Variants in NRG3 observed in about 807,000 individuals in gnomAD.
NRG3 encodes neuregulin 3.
NRG3 carries 31 observed loss-of-function variants against 66.9 expected under a neutral mutation model. The observed-to-expected ratio is 0.46, with a 90% CI of 0.35 to 0.63. The LOEUF (loss-of-function observed/expected upper bound fraction) is 0.63, where lower values mean the gene tolerates loss of function less well. NRG3 is among the 20% of genes least tolerant of loss of function. The pLI, the probability that NRG3 is intolerant of heterozygous loss-of-function variation, is 0.00. For synonymous variants in NRG3, 393 were observed against 359.4 expected (o/e 1.09, Z -1.06); for missense variants, 910 against 878.9 (o/e 1.04, Z -0.45).
intron 2 of NRG3, among the ~76,000 whole-genome samples, chr10:82,385,074 T>C (rs189506339): frequency 3.3e-5 from 5 of 152,342 alleles, no homozygotes; most frequent in African/African-American, 1.2e-4. Flanking sequence ...TCAGTGATGT[T>C]GAGCTTTTTA....
chr10:81,938,693 C>T (rs1848133107), intron 1 of NRG3, among the ~76,000 whole-genome samples: 3 of 150,816 alleles, frequency 2.0e-5, no homozygotes, highest in East Asian at 2.0e-4. Context: ...TAAAATCATG[C>T]CATCTGTGAA....
intron 1 of NRG3, among the ~76,000 whole-genome samples, chr10:81,962,663 T>C (rs1223104428): frequency 6.6e-6 from 1 of 152,144 alleles, no homozygotes; most frequent in Admixed American, 6.5e-5. Context: ...AGTTTGCAGG[T>C]AAGAAATGCA....
intron 1 of NRG3, among the ~76,000 whole-genome samples, chr10:81,898,599 T>C (rs1197987165): frequency 6.6e-6 from 1 of 152,218 alleles, no homozygotes; most frequent in Non-Finnish European, 1.5e-5. Context: ...GGCTGCAGTA[T>C]GACTTGATGT....
rs572797137 is a variant in NRG3, at chr10:82,347,402, T to G, written c.824-11337T>G. On this transcript the variant is annotated intron_variant, in intron 1 of 8. Transcript: ENST00000372141. ...TTGAGTGACATTCTTAATCCTGAGT[T>G]CTAGTTTGATTGCACTGTGGTCTGA... 9.8e-5 allele frequency among the ~76,000 whole-genome samples: 15 copies of G among 152,312 alleles called. No individual in the cohort carries two copies. In the South Asian group the frequency reaches 3.1e-3, roughly 32 times the overall value.
At chr10:82,154,810 T>C (rs2071063211) in intron 1 of NRG3, among the ~76,000 whole-genome samples, 2 of 151,844 alleles carry the variant, frequency 1.3e-5, no homozygotes, top group African/African-American at 4.8e-5. Flanking sequence ...TTTGAAATAC[T>C]ATTGTAAATT....
At chr10:81,919,851 A>G (rs1846087290) in intron 1 of NRG3, among the ~76,000 whole-genome samples, 1 of 152,152 alleles carries the variant, frequency 6.6e-6, no homozygotes, top group Admixed American at 6.5e-5. Flanking sequence ...AGTGGCAATG[A>G]GGGGTGAGTG....
chr10:82,720,585 A>G (rs900005215), intron 2 of NRG3, among the ~76,000 whole-genome samples: 4 of 151,840 alleles, frequency 2.6e-5, no homozygotes, highest in Non-Finnish European at 5.9e-5. Flanking sequence ...TCAATCTCTA[A>G]ACCTACAAAA....
rs148448738 is a variant in NRG3, at chr10:82,244,584, C to T, written c.824-114155C>T. Among the ~76,000 whole-genome samples the T allele has an allele frequency of 1.7e-4, 26 of 151,978 alleles. No individual in the cohort carries two copies. The East Asian group carries it at 3.3e-3, about 19-fold the overall frequency. On this transcript the variant is annotated intron_variant, in intron 1 of 8. Transcript: ENST00000372141. ...TCTCAAAAATATTTTGCTTTAGAAGCGTTCTATTAGTATGTATAATGATGT... is the reference window on the plus strand; with the variant it reads ...TCTCAAAAATATTTTGCTTTAGAAGTGTTCTATTAGTATGTATAATGATGT...
chr10:82,392,237 C>T (rs956236220), intron 2 of NRG3, among the ~76,000 whole-genome samples: 2 of 152,134 alleles, frequency 1.3e-5, no homozygotes, highest in African/African-American at 4.8e-5. Context: ...CTATTTCCTA[C>T]CATGCTTCTG....
chr10:82,545,323 G>C lies in NRG3; in HGVS notation c.953+186455G>C, dbSNP rs376016139. Among the ~76,000 whole-genome samples, 135 of 150,870 alleles carry C rather than the reference G, an allele frequency of 8.9e-4. 1 individual carries two copies. The highest frequency in any genetic ancestry group is 3.2e-3 in the African/African-American group (133 of 41,136). On this transcript the variant is annotated intron_variant, in intron 2 of 8. Transcript: ENST00000372141. ...TAAATTATTATTATAATTCAAATAA[G>C]TAAGGATATTGTAAATCTCCCTTCC...
chr10:82,523,457 AT>A (rs1158552552), intron 2 of NRG3, among the ~76,000 whole-genome samples: 3 of 151,566 alleles, frequency 2.0e-5, no homozygotes, highest in African/African-American at 7.3e-5. Flanking sequence ...TTTGATTTGT[AT>A]TTCTCTGATA....
intron 1 of NRG3, among the ~76,000 whole-genome samples, chr10:82,036,717 A>G (rs1224266160): frequency 2.0e-5 from 3 of 152,148 alleles, no homozygotes; most frequent in Admixed American, 6.6e-5. Context: ...TGTAACTTGC[A>G]TGACTGAAAC....
intron 1 of NRG3, among the ~76,000 whole-genome samples, chr10:81,930,651 G>A (rs542338831): frequency 6.6e-6 from 1 of 152,192 alleles, no homozygotes; most frequent in Non-Finnish European, 1.5e-5. Context: ...AGAACACCGG[G>A]AATATTCTCC....
At chr10:82,388,097 C>T (rs867644266) in intron 2 of NRG3, among the ~76,000 whole-genome samples, 1 of 152,186 alleles carries the variant, frequency 6.6e-6, no homozygotes, top group Middle Eastern at 3.4e-3. Flanking sequence ...ATCCTAGTAT[C>T]ATAAAAATGA....
At chr10:82,256,447 T>C (rs912166234) in intron 1 of NRG3, among the ~76,000 whole-genome samples, 45 of 152,168 alleles carry the variant, frequency 3.0e-4, no homozygotes, top group Non-Finnish European at 1.5e-4. Flanking sequence ...CACTGCCCTC[T>C]TCAGGTGTCA....
At chr10:82,107,693 C>A (rs1403085787) in intron 1 of NRG3, among the ~76,000 whole-genome samples, 1 of 152,130 alleles carries the variant, frequency 6.6e-6, no homozygotes, top group Non-Finnish European at 1.5e-5. Flanking sequence ...CGGGGCTAGT[C>A]ATTTAGTAGG....
intron 3 of NRG3, among the ~76,000 whole-genome samples, chr10:82,741,308 G>A (rs1049239105): frequency 8.6e-5 from 13 of 152,024 alleles, no homozygotes; most frequent in Admixed American, 5.9e-4. Context: ...TTAGTGAGGG[G>A]GAAAAACATG....
In NRG3 at chr10:82,751,566, G is replaced by C. The variant is rs2058863327; in HGVS notation, c.1027+12916G>C. ...ATAGTGTAAGCCAATTCAGCTACAAGTAACATTTATTAACAACCTATTCTA... is the reference window on the plus strand; with the variant it reads ...ATAGTGTAAGCCAATTCAGCTACAACTAACATTTATTAACAACCTATTCTA... On this transcript the variant is annotated intron_variant, in intron 3 of 8. Transcript: ENST00000372141. Among the ~76,000 whole-genome samples the C allele has an allele frequency of 2.0e-5, 3 of 152,140 alleles. No homozygotes were observed. The South Asian group carries it at 6.2e-4, about 32-fold the overall frequency.
chr10:82,908,117 G>C (rs1465409573), intron 4 of NRG3, among the ~76,000 whole-genome samples: 1 of 152,212 alleles, frequency 6.6e-6, no homozygotes, highest in Admixed American at 6.5e-5. Context: ...CATCACAAGA[G>C]ACTTTCAGAT....
Sources: gnomAD v4.1 joint callset for allele counts (sites outside exome capture counted in the v4.1 genomes callset) on GRCh38, gnomAD v4.1.1 for gene constraint, MANE v1.5 for transcripts, NCBI Gene and HGNC (gene_info 2026-07-23, HGNC 2026-07-21) for gene names.